STXBP5L: variants seen among roughly 807,000 people sequenced by gnomAD.
The protein encoded by STXBP5L is syntaxin-binding protein 5-like.
Under a neutral mutation model 144.5 loss-of-function variants are expected in STXBP5L, and 65 were observed. The observed-to-expected ratio is 0.45, with a 90% confidence interval of 0.37 to 0.55. STXBP5L has a LOEUF of 0.55. Ranked by LOEUF, STXBP5L falls within the 20% of genes least tolerant of loss-of-function variation. The pLI is 0.00. For synonymous variants in STXBP5L, 505 were observed against 469.6 expected (o/e 1.08, Z -0.97); for missense variants, 1,298 against 1,405.5 (o/e 0.92, Z 1.22).
intron 7 of STXBP5L, among the ~76,000 whole-genome samples, chr3:121,139,868 T>G (rs999295298): frequency 6.6e-6 from 1 of 151,708 alleles, no homozygotes; most frequent in Non-Finnish European, 1.5e-5. Flanking sequence ...AATAAAAGAC[T>G]TGGGAAAAAA....
At chr3:120,954,905 C>T (rs1937849825) in intron 2 of STXBP5L, 35 bp from the exon 3 acceptor site, 4 of 1,556,422 alleles carry the variant, frequency 2.6e-6, no homozygotes, top group Non-Finnish European at 3.5e-6. Flanking sequence ...TTTTATTTCC[C>T]TAGAGACTTA....
intron 20 of STXBP5L, among the ~76,000 whole-genome samples, chr3:121,360,889 T>G (rs2045692736): frequency 6.6e-6 from 1 of 152,190 alleles, no homozygotes; most frequent in Non-Finnish European, 1.5e-5. Flanking sequence ...CAGTAAGTTT[T>G]GTACCTTCAG....
intron 9 of STXBP5L, among the ~76,000 whole-genome samples, chr3:121,188,511 A>C (rs1325269794): frequency 6.7e-6 from 1 of 150,178 alleles, no homozygotes; most frequent in Admixed American, 6.7e-5. Flanking sequence ...AAAAAAAAAA[A>C]GACTTTTAGA....
At chr3:121,374,007 C>T (rs2046109534) in intron 20 of STXBP5L, among the ~76,000 whole-genome samples, 1 of 152,210 alleles carries the variant, frequency 6.6e-6, no homozygotes, top group Non-Finnish European at 1.5e-5. Context: ...CATACTACCA[C>T]CACTGACACC....
chr3:121,324,886 G>T (rs1021416584), intron 20 of STXBP5L, among the ~76,000 whole-genome samples: 3 of 151,954 alleles, frequency 2.0e-5, no homozygotes, highest in African/African-American at 7.2e-5. Flanking sequence ...GAAAGTAAGG[G>T]GGTCGCGGGT....
chr3:121,255,254 ATTG>A, intron 16 of STXBP5L, 142 bp downstream of exon 16: 1 of 561,940 alleles, frequency 1.8e-6, no homozygotes, highest in African/African-American at 1.9e-5. Context: ...TTAAATTATT[ATTG>A]TTACTTACTA....
At chr3:121,063,279 T>A (rs1281271670) in intron 5 of STXBP5L, among the ~76,000 whole-genome samples, 1 of 152,224 alleles carries the variant, frequency 6.6e-6, no homozygotes, top group Non-Finnish European at 1.5e-5. Flanking sequence ...TGCTGGAGTT[T>A]GCTGGAGGTC....
chr3:121,027,756 C>G (rs923982073), intron 3 of STXBP5L, among the ~76,000 whole-genome samples: 4 of 152,086 alleles, frequency 2.6e-5, no homozygotes, highest in African/African-American at 9.7e-5. Context: ...ATTCCATCTG[C>G]AACCTTAATT....
chr3:121,009,589 C>T (rs756072061), intron 3 of STXBP5L, among the ~76,000 whole-genome samples: 1 of 151,942 alleles, frequency 6.6e-6, no homozygotes, highest in African/African-American at 2.4e-5. Flanking sequence ...TCTTATTTCT[C>T]CTCTTTGTGG....
rs569015977 is a variant in STXBP5L at position 121,087,638 on chromosome 3, T to C, written c.471-27287T>C. ...TTTTAATTCATTCTGTCAGTCTATA[T>C]ATTTTAATTAATGTTTACATTAGAT... On this transcript the variant is annotated intron_variant, in intron 5 of 26. Transcript: ENST00000471454. Among the ~76,000 whole-genome samples the C allele has an allele frequency of 2.0e-5, 3 of 152,184 alleles. No homozygotes were observed. In the East Asian group the frequency reaches 5.8e-4, roughly 29 times the overall value.
chr3:121,327,258 T>A (rs2044178782), intron 20 of STXBP5L, among the ~76,000 whole-genome samples: 1 of 152,156 alleles, frequency 6.6e-6, no homozygotes. Flanking sequence ...ATGCCTGCAA[T>A]TCTATTTTTA....
intron 2 of STXBP5L, among the ~76,000 whole-genome samples, chr3:120,936,272 T>A (rs953294212): frequency 6.6e-6 from 1 of 152,196 alleles, no homozygotes. Flanking sequence ...CTGTTTTTTA[T>A]AAAGCCCATA....
At position 121,207,558 on chromosome 3, in the gene STXBP5L, A is replaced by T. The variant is rs538420975; in HGVS notation, c.956+1557A>T. ...TAGTGAACAGGCAACCTACAGAATG[A>T]GAGAAAATTTTTGCAATCTACTCAT... On this transcript the variant is annotated intron_variant, in intron 10 of 26. Transcript: ENST00000471454. Among the ~76,000 whole-genome samples, 7 of 152,286 alleles carry T rather than the reference A, an allele frequency of 4.6e-5. No individual in the cohort carries two copies. The East Asian group carries it at 1.4e-3, about 29-fold the overall frequency.
chr3:121,082,344 C>A (rs2042288451), intron 5 of STXBP5L, among the ~76,000 whole-genome samples: 1 of 151,828 alleles, frequency 6.6e-6, no homozygotes, highest in Non-Finnish European at 1.5e-5. Context: ...TAGATCTATA[C>A]CTATGTATTT....
chr3:120,970,313 C>T (rs920931347), intron 3 of STXBP5L, among the ~76,000 whole-genome samples: 3 of 152,016 alleles, frequency 2.0e-5, no homozygotes, highest in East Asian at 1.9e-4. Context: ...TCTTATTATA[C>T]ACTAGTGCCC....
chr3:121,058,519 T>C (rs1243427341), intron 5 of STXBP5L, among the ~76,000 whole-genome samples: 2 of 152,242 alleles, frequency 1.3e-5, no homozygotes, highest in Non-Finnish European at 2.9e-5. Context: ...TCAAATGGTA[T>C]TTCTGATTCT....
chr3:121,383,483 T>G (rs2108686161), intron 22 of STXBP5L, among the ~76,000 whole-genome samples: 1 of 152,236 alleles, frequency 6.6e-6, no homozygotes, highest in South Asian at 2.1e-4. Flanking sequence ...AGAAGGGGTA[T>G]GTGGGAACTC....
At chr3:121,261,524 A>G (rs1434387067) in intron 18 of STXBP5L, among the ~76,000 whole-genome samples, 1 of 152,210 alleles carries the variant, frequency 6.6e-6, no homozygotes, top group Non-Finnish European at 1.5e-5. Context: ...AATCCCAACC[A>G]AAATATAGAT....
At chr3:121,028,527 G>A (rs1006142741) in intron 3 of STXBP5L, among the ~76,000 whole-genome samples, 1 of 152,014 alleles carries the variant, frequency 6.6e-6, no homozygotes, top group Non-Finnish European at 1.5e-5. Context: ...TTCCCAGGTT[G>A]TCCCTTACAT....
Sources: allele counts gnomAD v4.1 joint callset (sites outside exome capture counted in the v4.1 genomes callset), GRCh38; gene constraint gnomAD v4.1.1; transcripts MANE v1.5; gene names NCBI Gene and HGNC (gene_info 2026-07-23, HGNC 2026-07-21).